The following SOX5 variants were observed in gnomAD, a reference collection of about 807,000 sequenced individuals.
The protein encoded by SOX5 is transcription factor SOX-5.
In SOX5, 9 loss-of-function variants were observed where a neutral mutation model predicts 92.0. The ratio of observed to expected loss-of-function variants is 0.10; its 90% confidence interval spans 0.06 to 0.17. The LOEUF is 0.17. Ranked by LOEUF, SOX5 falls within the 10% of genes least tolerant of loss-of-function variation. The pLI is 1.00. For synonymous variants in SOX5, 344 were observed against 336.3 expected (o/e 1.02, Z -0.25); for missense variants, 642 against 944.5 (o/e 0.68, Z 4.20).
intron 3 of SOX5, among the ~76,000 whole-genome samples, chr12:24,238,433 C>A (rs1964934641): frequency 6.6e-6 from 1 of 152,172 alleles, no homozygotes; most frequent in Admixed American, 6.5e-5. Context: ...GTCACTGTAG[C>A]CTCAACCCCC....
intron 1 of SOX5, among the ~76,000 whole-genome samples, chr12:24,499,769 T>A (rs1304528752): frequency 6.6e-6 from 1 of 151,420 alleles, no homozygotes; most frequent in Non-Finnish European, 1.5e-5. Flanking sequence ...TTTTTTTTTT[T>A]TTAAATAGAA....
chr12:23,930,299 T>C (rs1374580131), intron 1 of SOX5, among the ~76,000 whole-genome samples: 3 of 151,832 alleles, frequency 2.0e-5, no homozygotes, highest in African/African-American at 7.2e-5. Flanking sequence ...GCTAGGTTAT[T>C]TTTTGCTCTC....
At chr12:23,729,288 G>A (rs896731814) in intron 6 of SOX5, among the ~76,000 whole-genome samples, 9 of 151,986 alleles carry the variant, frequency 5.9e-5, no homozygotes, top group African/African-American at 1.7e-4. Context: ...AAGATCACAC[G>A]GCAGATATCA....
intron 1 of SOX5, among the ~76,000 whole-genome samples, chr12:24,497,204 T>C (rs1433745681): frequency 6.6e-6 from 1 of 152,238 alleles, no homozygotes; most frequent in Non-Finnish European, 1.5e-5. Flanking sequence ...ATTGTTACTG[T>C]TTACCAAATG....
At chr12:23,983,195 A>C (rs1195136059) in intron 4 of SOX5, among the ~76,000 whole-genome samples, 2 of 151,224 alleles carry the variant, frequency 1.3e-5, no homozygotes, top group African/African-American at 4.9e-5. Flanking sequence ...ATGCCATCCT[A>C]CCCACTGCTT....
chr12:24,463,408 A>C (rs1943866857), intron 1 of SOX5, among the ~76,000 whole-genome samples: 1 of 152,184 alleles, frequency 6.6e-6, no homozygotes, highest in Non-Finnish European at 1.5e-5. Context: ...CACAAATCAC[A>C]CACTATCAAG....
chr12:23,983,538 A>G (rs972943479), intron 4 of SOX5, among the ~76,000 whole-genome samples: 60 of 152,352 alleles, frequency 3.9e-4, no homozygotes, highest in African/African-American at 1.3e-3. Flanking sequence ...TGGTTGGGCT[A>G]GATGAGCTGG....
intron 3 of SOX5, among the ~76,000 whole-genome samples, chr12:23,821,948 G>C (rs1280330148): frequency 1.4e-5 from 2 of 144,650 alleles, no homozygotes; most frequent in Non-Finnish European, 3.0e-5. Context: ...TATATAGTTT[G>C]TATTTCTGTG....
chr12:24,006,325 C>T (rs1952158088), intron 4 of SOX5, among the ~76,000 whole-genome samples: 1 of 152,064 alleles, frequency 6.6e-6, no homozygotes, highest in Non-Finnish European at 1.5e-5. Flanking sequence ...TAACAAAAAG[C>T]TGGGGAATAT....
intron 4 of SOX5, among the ~76,000 whole-genome samples, chr12:23,746,236 C>A (rs1185094549): frequency 1.3e-5 from 2 of 152,096 alleles, no homozygotes; most frequent in Admixed American, 1.3e-4. Flanking sequence ...GCAAGAGTCA[C>A]AAGACATCCT....
intron 4 of SOX5, among the ~76,000 whole-genome samples, chr12:24,060,254 C>G (rs1195590951): frequency 1.3e-5 from 2 of 152,072 alleles, no homozygotes; most frequent in East Asian, 1.9e-4. Flanking sequence ...AATTATTATC[C>G]CATTTTATGG....
Position 23,852,181 on chromosome 12 carries a change from C to CT in SOX5, c.271-5989dup, listed in dbSNP as rs1159745654. 3.9e-5 allele frequency among the ~76,000 whole-genome samples: 6 copies of CT among 152,094 alleles called. No individual in the cohort carries two copies. The East Asian group carries it at 9.7e-4, about 24-fold the overall frequency. ...AAATACTTAAACAGGCATCTGCAAC[C>CT]TTTTTTCTCTATGATCTACGGAAAG... On this transcript the variant is annotated intron_variant, in intron 2 of 14. Transcript: ENST00000451604.
chr12:23,753,626 C>T (rs1347716322), intron 4 of SOX5, among the ~76,000 whole-genome samples: 1 of 151,758 alleles, frequency 6.6e-6, no homozygotes, highest in Non-Finnish European at 1.5e-5. Context: ...TATACGAGAG[C>T]ATAAGACTTA....
chr12:23,714,772 A>G (rs561245988), intron 6 of SOX5, among the ~76,000 whole-genome samples: 1 of 152,360 alleles, frequency 6.6e-6, no homozygotes, highest in African/African-American at 2.4e-5. Flanking sequence ...TATAGATGAA[A>G]ACAAATACTT....
At chr12:23,539,354 TCA>T (rs1203259967) in intron 13 of SOX5, among the ~76,000 whole-genome samples, 6 of 152,274 alleles carry the variant, frequency 3.9e-5, no homozygotes, top group African/African-American at 1.4e-4. Context: ...CAGCTTATAT[TCA>T]GTCAGGGAAT....
At chr12:23,633,866 G>A (rs2078874094) in intron 8 of SOX5, among the ~76,000 whole-genome samples, 1 of 152,044 alleles carries the variant, frequency 6.6e-6, no homozygotes, top group African/African-American at 2.4e-5. Flanking sequence ...GTCTTTTATT[G>A]TGAATTATAA....
intron 4 of SOX5, among the ~76,000 whole-genome samples, chr12:24,131,776 AAGAG>A (rs1949668383): frequency 1.3e-5 from 2 of 152,264 alleles, no homozygotes; most frequent in East Asian, 3.9e-4. Flanking sequence ...ATGTGCAAAA[AAGAG>A]AGGGAGAAAA....
chr12:23,970,842 T>TA (rs1234524602), intron 4 of SOX5, among the ~76,000 whole-genome samples: 2 of 5,952 alleles, frequency 3.4e-4, no homozygotes, highest in Non-Finnish European at 1.4e-3. Context: ...ATATATATAA[T>TA]TTTTTTTTTT....
chr12:23,805,003 T>G (rs2095743807), intron 3 of SOX5, among the ~76,000 whole-genome samples: 1 of 141,248 alleles, frequency 7.1e-6, no homozygotes. Flanking sequence ...AAATGTAACT[T>G]TCTATGTGAC....
Sources: allele counts gnomAD v4.1 joint callset (sites outside exome capture counted in the v4.1 genomes callset), GRCh38; gene constraint gnomAD v4.1.1; transcripts MANE v1.5; gene names NCBI Gene and HGNC (gene_info 2026-07-23, HGNC 2026-07-21).